Variants in EIF6 observed in about 807,000 individuals in gnomAD.
The protein encoded by EIF6 is B4 integrin interactor.
In EIF6, 10 loss-of-function variants were observed where a neutral mutation model predicts 25.5. The ratio of observed to expected loss-of-function variants is 0.39; its 90% CI spans 0.24 to 0.66. EIF6 has a LOEUF of 0.66. EIF6 is among the 30% of genes least tolerant of loss of function. EIF6 has a pLI of 0.45. For missense variants in EIF6, 246 were observed against 315.4 expected, an observed-to-expected ratio of 0.78 and a Z score of 1.67; for synonymous variants, 122 against 122.6, an observed-to-expected ratio of 1.00 and a Z score of 0.03.
intron 3 of EIF6, among the ~76,000 whole-genome samples, chr20:35,281,805 A>G (rs569233906): frequency 6.6e-6 from 1 of 152,168 alleles, no homozygotes; most frequent in South Asian, 2.1e-4. Context: ...TATATGGAGC[A>G]ACTGAACTCT....
At position 35,284,068 on chromosome 20, in the gene EIF6, AAC is replaced by A; in HGVS notation, c.193+106_193+107del. ...GAGAGATTCTATAGTGCCCAGAGAT[AAC>A]AGATGATACCCTGGGAATCCCTAGG... On this transcript the variant is annotated intron_variant, in intron 3 of 6. Transcript: ENST00000374450. The A allele has an allele frequency of 2.2e-6, 3 of 1,358,328 alleles. No individual in the cohort carries two copies. In the East Asian group the frequency reaches 7.0e-5, roughly 32 times the overall value. The allele number at this position is 1,358,328 out of a possible 1,614,324, so 84.1% of individuals were successfully genotyped here.
intron 3 of EIF6, 59 bp downstream of exon 3, chr20:35,284,117 G>T (rs556082296): frequency 2.6e-6 from 4 of 1,525,712 alleles, no homozygotes; most frequent in Middle Eastern, 1.8e-4. Flanking sequence ...TCCCTCCGGG[G>T]GTGTAATTAA....
rs533328816 is a variant in EIF6 at position 35,284,771 on chromosome 20, C to T, written c.-51G>A. 2 of 453,404 alleles carry T rather than the reference C, an allele frequency of 4.4e-6. No homozygotes were observed. Among genetic ancestry groups the T allele is most frequent in the South Asian group, 3.3e-5 (1 of 30,248 alleles). 28.1% of individuals were successfully genotyped at this position (453,404 alleles called of 1,614,324 possible). A position where few individuals can be genotyped will look rare whatever the true frequency, so the allele number is the denominator to read the frequency against. On this transcript the variant is annotated 5_prime_UTR_variant, in exon 1 of 7. Coordinates refer to ENST00000374450, the MANE Select transcript of EIF6 (RefSeq NM_002212.4). Reference sequence around the variant, plus strand: ...CCGCACGCGGCGACTGTACCTTGGACTCCCTAAAAAGGTTTCCGTTTCCAC... The same window carrying T: ...CCGCACGCGGCGACTGTACCTTGGATTCCCTAAAAAGGTTTCCGTTTCCAC...
intron 3 of EIF6, among the ~76,000 whole-genome samples, chr20:35,281,059 C>G (rs1430030675): frequency 6.6e-6 from 1 of 152,174 alleles, no homozygotes; most frequent in Non-Finnish European, 1.5e-5. Context: ...AAGCTGAGCT[C>G]TTGGCATTAG....
intron 3 of EIF6, 83 bp from the exon 4 acceptor site, chr20:35,280,912 A>C: frequency 1.3e-6 from 2 of 1,489,478 alleles, no homozygotes; most frequent in Non-Finnish European, 1.8e-6. Flanking sequence ...GCCCAGCCCA[A>C]TCAGCTTTCC....
chr20:35,280,014 T>G lies in EIF6; in HGVS notation c.474A>C (p.Gly158=), dbSNP rs770495030. 144 of 1,614,090 alleles carry G rather than the reference T, an allele frequency of 8.9e-5. 1 individual carries two copies. The highest frequency in any genetic ancestry group is 7.5e-4 in the South Asian group (68 of 91,086). The change falls in exon 5 of 7, where the codon GGA becomes GGC. Residue 158 remains glycine (G), a synonymous_variant. Coordinates refer to ENST00000374450, the MANE Select transcript of EIF6 (RefSeq NM_002212.4). The part of the protein sequence containing the change: ...VGSYCVFSNQ[G]GLVHPKTSIE... Reference sequence around the variant, plus strand: ...TTGAAGTCTTGGGATGCACCAGCCCTCCCTGATTGCTGAAGACACAGTAGC... The same window carrying G: ...TTGAAGTCTTGGGATGCACCAGCCCGCCCTGATTGCTGAAGACACAGTAGC...
intron 6 of EIF6, 74 bp downstream of exon 6, chr20:35,279,492 C>T (rs2060751079): frequency 1.9e-6 from 3 of 1,572,258 alleles, no homozygotes; most frequent in Admixed American, 1.7e-5. Flanking sequence ...TTCTAGATGA[C>T]ATCTTTTCCC....
intron 4 of EIF6, 65 bp from the exon 5 acceptor site, chr20:35,280,183 G>A (rs764932386): frequency 3.2e-4 from 493 of 1,557,840 alleles, no homozygotes; most frequent in Non-Finnish European, 3.4e-4. Context: ...GGTTCTCCAT[G>A]CCCAGAAGCA....
chr20:35,280,645 C>T lies in EIF6; in HGVS notation c.369+9G>A. On this transcript the variant is annotated intron_variant, in intron 4 of 6. Transcript: ENST00000374450. Reference sequence around the variant, plus strand: ...CCTGTGACTCTTGGGTCAAGTTGGGCTGCCTCACCCTGTCCAAGTCTGGGT... The same window carrying T: ...CCTGTGACTCTTGGGTCAAGTTGGGTTGCCTCACCCTGTCCAAGTCTGGGT... 6.2e-7 allele frequency: 1 copy of T among 1,612,070 alleles called. No homozygotes were observed. Among genetic ancestry groups the T allele is most frequent in the Non-Finnish European group, 8.5e-7 (1 of 1,179,082 alleles).
chr20:35,280,161 C>A, intron 4 of EIF6, 43 bp from the exon 5 acceptor site: 1 of 1,595,456 alleles, frequency 6.3e-7, no homozygotes, highest in Non-Finnish European at 8.6e-7. Context: ...GAACTTACAG[C>A]CCCAGAACCA....
intron 3 of EIF6, among the ~76,000 whole-genome samples, chr20:35,283,800 CAA>C (rs57842071): frequency 0.01 from 1,165 of 114,944 alleles, 16 homozygotes; most frequent in African/African-American, 0.032. Context: ...AATCTGGCCT[CAA>C]AAAAAAAAAA....
chr20:35,279,062 T>C lies in EIF6; in HGVS notation c.*135A>G. The C allele has an allele frequency of 3.6e-6, 4 of 1,109,782 alleles. No homozygotes were observed. In the South Asian group the frequency reaches 5.3e-5, roughly 15 times the overall value. 68.7% of individuals were successfully genotyped at this position (1,109,782 alleles called of 1,614,324 possible). On this transcript the variant is annotated 3_prime_UTR_variant, in exon 7 of 7. Transcript: ENST00000374450. ...GGCGATAAGCACAGGTGGAAAAGGG[T>C]TGGGTGCCCAGCCCCTCAGTCCCAG... is the stretch of plus-strand genomic sequence containing the variant.
rs1306880516 is a variant in EIF6 at position 35,279,993 on chromosome 20, A to C, written c.495T>G (p.Thr165=). The C allele has an allele frequency of 1.9e-6, 3 of 1,614,194 alleles. No individual in the cohort carries two copies. The highest frequency in any genetic ancestry group is 3.3e-5 in the Admixed American group (2 of 60,028). Residue 165 remains threonine (T), a synonymous_variant, in exon 5 of 7, where the codon ACT becomes ACG. Transcript: ENST00000374450. Reference sequence around the variant, plus strand: ...ACAGCTCATCCTGGTCTTCAATTGAAGTCTTGGGATGCACCAGCCCTCCCT... The same window carrying C: ...ACAGCTCATCCTGGTCTTCAATTGACGTCTTGGGATGCACCAGCCCTCCCT... ...SNQGGLVHPK[T]SIEDQDELSS...
intron 6 of EIF6, 129 bp from the exon 7 acceptor site, chr20:35,279,335 A>C (rs1173565986): frequency 7.4e-7 from 1 of 1,355,532 alleles, no homozygotes; most frequent in African/African-American, 1.4e-5. Flanking sequence ...CTACTGCTCT[A>C]GTATCCTAGC....
At chr20:35,282,235 C>T (rs971801125) in intron 3 of EIF6, among the ~76,000 whole-genome samples, 4 of 152,188 alleles carry the variant, frequency 2.6e-5, no homozygotes, top group African/African-American at 4.8e-5. Flanking sequence ...GTGATCCGCC[C>T]GCCTCGGCCT....
intron 4 of EIF6, 88 bp from the exon 5 acceptor site, chr20:35,280,206 C>T (rs923241782): frequency 7.0e-7 from 1 of 1,419,036 alleles, no homozygotes; most frequent in Non-Finnish European, 9.6e-7. Context: ...CAGGCCTTGG[C>T]TCCCTGAGCC....
chr20:35,281,558 G>C (rs976085962), intron 3 of EIF6, among the ~76,000 whole-genome samples: 1 of 151,948 alleles, frequency 6.6e-6, no homozygotes, highest in African/African-American at 2.4e-5. Flanking sequence ...TGATTCTCCT[G>C]CTTCGGCCTC....
At chr20:35,283,861 C>G (rs1179043920) in intron 3 of EIF6, among the ~76,000 whole-genome samples, 1 of 151,956 alleles carries the variant, frequency 6.6e-6, no homozygotes, top group Admixed American at 6.5e-5. Context: ...GTGGAACTTA[C>G]TGAGTCACTT....
At chr20:35,279,862 CAGGTAATGACCCAG>C in intron 5 of EIF6, 66 bp downstream of exon 5, 1 of 1,587,192 alleles carries the variant, frequency 6.3e-7, no homozygotes, top group Non-Finnish European at 8.6e-7. Flanking sequence ...CAAACTGTGG[CAGGTAATGACCCAG>C]ACTCCCAAAC....
Sources: gnomAD v4.1 joint callset for allele counts (sites outside exome capture counted in the v4.1 genomes callset) on GRCh38, gnomAD v4.1.1 for gene constraint, MANE v1.5 for transcripts, NCBI Gene and HGNC (gene_info 2026-07-23, HGNC 2026-07-21) for gene names.